The following NF2 variants were observed in gnomAD, a reference collection of about 807,000 sequenced individuals.
NF2 encodes the protein NF2, moesin-ezrin-radixin like (MERLIN) tumor suppressor.
A neutral mutation model predicts 83.7 loss-of-function variants in NF2; 8 were observed. That is an observed-to-expected ratio of 0.10 (90% CI 0.06 to 0.17). NF2 has a LOEUF of 0.17. Ranked by LOEUF, NF2 falls within the 10% of genes least tolerant of loss-of-function variation. NF2 has a pLI of 1.00. For synonymous variants in NF2, 266 were observed against 269.6 expected, an observed-to-expected ratio of 0.99 and a Z score of 0.13; for missense variants, 533 against 744.4, an observed-to-expected ratio of 0.72 and a Z score of 3.31.
chr22:29,668,151 G>T (rs866901741), intron 9 of NF2, among the ~76,000 whole-genome samples, 182 bp from the exon 10 acceptor site: 2 of 152,120 alleles, frequency 1.3e-5, no homozygotes, highest in Non-Finnish European at 2.9e-5. Context: ...CCTTCATTTT[G>T]CATGTTTCCA....
chr22:29,648,811 A>T (rs925042948), intron 4 of NF2, among the ~76,000 whole-genome samples: 4 of 152,080 alleles, frequency 2.6e-5, no homozygotes, highest in African/African-American at 9.7e-5. Flanking sequence ...GCAGGTCCCA[A>T]ACTCCAGGGC....
intron 8 of NF2, among the ~76,000 whole-genome samples, chr22:29,661,891 A>G (rs2066489030): frequency 1.3e-5 from 2 of 152,192 alleles, no homozygotes. Flanking sequence ...ATGGACATAT[A>G]TGTGTTTTGT....
chr22:29,608,405 A>G (rs2064861995), intron 1 of NF2, among the ~76,000 whole-genome samples: 1 of 150,872 alleles, frequency 6.6e-6, no homozygotes, highest in Admixed American at 6.6e-5. Context: ...CAGCCACCGC[A>G]CAGTGGCTTT....
rs768301915 is a variant in NF2 at position 29,655,679 on chromosome 22, G to A, written c.599+3G>A. 2.7e-5 allele frequency: 43 copies of A among 1,610,142 alleles called. No homozygotes were observed. The highest frequency in any genetic ancestry group is 3.6e-5 in the Non-Finnish European group (42 of 1,177,312). ...GCAGAGCACCGAGGCCGAGCCAGGT[G>A]AGGCCCATTCATTGTTGGTTTACAT... On this transcript the variant is annotated splice_donor_region_variant and intron_variant, in intron 6 of 15. Coordinates refer to ENST00000338641, the MANE Select transcript of NF2 (RefSeq NM_000268.4).
At position 29,695,787 on chromosome 22, in the gene NF2, G is replaced by GCCAC. The variant is rs1248336963; in HGVS notation, c.*986_*989dup. The GCCAC allele has an allele frequency of 4.3e-6, 1 of 233,758 alleles. No individual in the cohort carries two copies. Among genetic ancestry groups the GCCAC allele is most frequent in the Admixed American group, 5.6e-5 (1 of 17,782 alleles). The allele number at this position is 233,758 out of a possible 1,614,324, so 14.5% of individuals were successfully genotyped here. ...CCCATCTGCTTCACCTTCCCTCCCA[G>GCCAC]CCACGTGCCAGTGGCCACAGCCCAC... is the stretch of plus-strand genomic sequence containing the variant. On this transcript the variant is annotated 3_prime_UTR_variant, in exon 16 of 16. Coordinates refer to ENST00000338641, the MANE Select transcript of NF2 (RefSeq NM_000268.4). This position sits in a 1 kb window ranked among gnomAD's most constrained non-coding sequence, Gnocchi z 5.4.
At chr22:29,667,154 T>C (rs1242151606) in intron 9 of NF2, among the ~76,000 whole-genome samples, 1 of 152,228 alleles carries the variant, frequency 6.6e-6, no homozygotes, top group Non-Finnish European at 1.5e-5. Context: ...TGTTTTTTGC[T>C]ATCCTTAATA....
intron 8 of NF2, among the ~76,000 whole-genome samples, chr22:29,663,768 T>A (rs989238079): frequency 2.1e-4 from 32 of 152,232 alleles, no homozygotes; most frequent in Admixed American, 2.0e-3. Flanking sequence ...CCCAAACATA[T>A]TTATCTGCTT....
At chr22:29,689,785 C>T (rs1015650398) in intron 15 of NF2, among the ~76,000 whole-genome samples, 5 of 152,212 alleles carry the variant, frequency 3.3e-5, no homozygotes, top group African/African-American at 1.2e-4. Flanking sequence ...CCCAACCTTC[C>T]CTTGCTTTAG....
intron 1 of NF2, among the ~76,000 whole-genome samples, chr22:29,634,690 A>G (rs926665257): frequency 2.0e-5 from 3 of 152,316 alleles, no homozygotes; most frequent in African/African-American, 7.2e-5. Context: ...GTCATTTATA[A>G]TTTATATACT....
At position 29,696,750 on chromosome 22, in the gene NF2, G is replaced by T. The variant is rs1601692583; in HGVS notation, c.*1948G>T. The stretch of plus-strand genomic sequence containing the variant: ...TCCTAGTGTGACCCAGCCAGGAGCG[G>T]AAGCTTCAGGCGTTTGTAAAGTGAG... On this transcript the variant is annotated 3_prime_UTR_variant, in exon 16 of 16. Coordinates refer to ENST00000338641, the MANE Select transcript of NF2 (RefSeq NM_000268.4). 13 of 218,682 alleles carry T rather than the reference G, an allele frequency of 5.9e-5. No homozygotes were observed. In the East Asian group the frequency reaches 8.6e-4, roughly 14 times the overall value. The allele number at this position is 218,682 out of a possible 1,614,324, so 13.5% of individuals were successfully genotyped here.
rs200701337 is a variant in NF2 at position 29,636,891 on chromosome 22, C to T, written c.240+15C>T. 1.3e-4 allele frequency: 211 copies of T among 1,613,910 alleles called. 1 individual carries two copies. The East Asian group carries it at 2.9e-3, about 22-fold the overall frequency. ...TGGACAAGAAGGTTGGGCTAGAACT[C>T]GATGAAACTGGTGGGGCTGACGTGA... On this transcript the variant is annotated intron_variant, in intron 2 of 15. Transcript: ENST00000338641. This position sits in a 1 kb window ranked among gnomAD's most constrained non-coding sequence, Gnocchi z 4.4.
chr22:29,688,640 G>C (rs543605940), intron 15 of NF2, among the ~76,000 whole-genome samples: 26 of 152,352 alleles, frequency 1.7e-4, no homozygotes, highest in African/African-American at 6.3e-4. Context: ...AGGTAGACAG[G>C]TTTTCAGGCA....
intron 11 of NF2, among the ~76,000 whole-genome samples, chr22:29,672,436 C>T (rs539169979): frequency 2.0e-4 from 30 of 151,834 alleles, no homozygotes; most frequent in African/African-American, 7.2e-4. Flanking sequence ...GCCTCAGCCT[C>T]CTGAGCAGCT....
At chr22:29,683,195 C>T in intron 15 of NF2, 3 of 1,606,822 alleles carry the variant, frequency 1.9e-6, no homozygotes, top group Non-Finnish European at 2.6e-6. Flanking sequence ...TGCCTGGGTA[C>T]TGGCCGCAGC....
At chr22:29,646,149 G>A (rs752963621) in intron 4 of NF2, among the ~76,000 whole-genome samples, 2 of 152,362 alleles carry the variant, frequency 1.3e-5, no homozygotes, top group Non-Finnish European at 2.9e-5. Context: ...CAGAAGCCAA[G>A]GCTTGAGAGT....
intron 1 of NF2, among the ~76,000 whole-genome samples, chr22:29,622,414 A>G (rs2065237229): frequency 6.6e-6 from 1 of 152,202 alleles, no homozygotes; most frequent in African/African-American, 2.4e-5. Flanking sequence ...TATAACAGTT[A>G]AGCATTGTCT....
chr22:29,605,095 C>T (rs916057097), intron 1 of NF2, among the ~76,000 whole-genome samples: 6 of 152,280 alleles, frequency 3.9e-5, no homozygotes, highest in Admixed American at 3.9e-4. Context: ...ATCAGTCCTC[C>T]TGCCTCAGCC....
chr22:29,661,198 T>A lies in NF2; in HGVS notation c.676-7T>A. 1 of 1,614,218 alleles carries A rather than the reference T, an allele frequency of 6.2e-7. No homozygotes were observed. Among genetic ancestry groups the A allele is most frequent in the Non-Finnish European group, 8.5e-7 (1 of 1,180,032 alleles). On this transcript the variant is annotated splice_region_variant and splice_polypyrimidine_tract_variant and intron_variant, in intron 7 of 15. Coordinates refer to ENST00000338641, the MANE Select transcript of NF2 (RefSeq NM_000268.4). The stretch of plus-strand genomic sequence containing the variant: ...GCTTACAGTAGCTGTTCTTATTGGA[T>A]CCACAGAATAAAAAGGGCACAGAGC...
At chr22:29,666,360 C>T (rs572460786) in intron 9 of NF2, among the ~76,000 whole-genome samples, 71 of 152,084 alleles carry the variant, frequency 4.7e-4, no homozygotes, top group African/African-American at 1.6e-3. Flanking sequence ...AGGCTGGTCT[C>T]GAACTCCTGA....
Sources: gnomAD v4.1 joint callset for allele counts (sites outside exome capture counted in the v4.1 genomes callset) on GRCh38, gnomAD v4.1.1 for gene constraint, Gnocchi (gnomAD v3.1) non-coding constraint, MANE v1.5 for transcripts, NCBI Gene and HGNC (gene_info 2026-07-23, HGNC 2026-07-21) for gene names.